RHBDD1: variants seen among roughly 807,000 people sequenced by gnomAD.
RHBDD1 encodes rhomboid-related protein 4.
A neutral mutation model predicts 36.3 loss-of-function variants in RHBDD1; 38 were observed. That is an observed-to-expected ratio of 1.05 (90% confidence interval 0.81 to 1.37). The LOEUF (loss-of-function observed/expected upper bound fraction) is 1.37, where lower values mean the gene tolerates loss of function less well. Among genes scored for constraint, RHBDD1 ranks in the 40% most tolerant of loss-of-function variants. RHBDD1 has a pLI of 0.00. For synonymous variants in RHBDD1, 151 were observed against 136.5 expected (o/e 1.11, Z -0.74); for missense variants, 393 against 377.6 (o/e 1.04, Z -0.34).
intron 8 of RHBDD1, among the ~76,000 whole-genome samples, chr2:226,925,762 A>C (rs1366583569): frequency 6.6e-6 from 1 of 152,240 alleles, no homozygotes; most frequent in Non-Finnish European, 1.5e-5. Context: ...CAAAACATTC[A>C]TTCAAAATAA....
intron 8 of RHBDD1, among the ~76,000 whole-genome samples, chr2:226,948,572 A>AT (rs1253093848): frequency 3.1e-5 from 4 of 127,534 alleles, no homozygotes; most frequent in Admixed American, 8.0e-5. Flanking sequence ...TATAAAAAAA[A>AT]AAAAAAAAAA....
At chr2:226,856,052 TCTAA>T (rs1235592222) in intron 3 of RHBDD1, among the ~76,000 whole-genome samples, 2 of 152,184 alleles carry the variant, frequency 1.3e-5, no homozygotes, top group African/African-American at 4.8e-5. Context: ...AATTATGCTG[TCTAA>T]CTAAGATTCC....
intron 5 of RHBDD1, among the ~76,000 whole-genome samples, chr2:226,890,381 A>G (rs1165190434): frequency 2.0e-5 from 3 of 152,194 alleles, no homozygotes; most frequent in Non-Finnish European, 4.4e-5. Context: ...CACATGAGGA[A>G]TGGAGCTATA....
chr2:226,810,540 C>CAAAAAAAAAAAAAAAAA, the RHBDD1 span, among the ~76,000 whole-genome samples: 12 of 33,876 alleles, frequency 3.5e-4, no homozygotes, highest in South Asian at 1.3e-3. Flanking sequence ...GACTCCGTCT[C>CAAAAAAAAAAAAAAAAA]AAAAAAAAAA....
At chr2:226,930,268 A>T (rs1364420459) in intron 8 of RHBDD1, among the ~76,000 whole-genome samples, 1 of 152,004 alleles carries the variant, frequency 6.6e-6, no homozygotes, top group Non-Finnish European at 1.5e-5. Context: ...CACTACAAGG[A>T]TGTAGTAACT....
At chr2:226,873,193 G>A (rs1214538243) in intron 5 of RHBDD1, among the ~76,000 whole-genome samples, 1 of 152,178 alleles carries the variant, frequency 6.6e-6, no homozygotes, top group Non-Finnish European at 1.5e-5. Flanking sequence ...ATTTCTGGAA[G>A]CCATTTTTGC....
chr2:226,888,814 C>T (rs1946450796), intron 5 of RHBDD1, among the ~76,000 whole-genome samples: 1 of 152,096 alleles, frequency 6.6e-6, no homozygotes, highest in Non-Finnish European at 1.5e-5. Flanking sequence ...AGGTATTTTA[C>T]ATGAATAACA....
chr2:226,829,955 T>G, the RHBDD1 span, among the ~76,000 whole-genome samples: 8 of 152,136 alleles, frequency 5.3e-5, no homozygotes. Context: ...TGGTTTATGT[T>G]AACTATGATA....
At chr2:226,932,754 T>C (rs1010334176) in intron 8 of RHBDD1, among the ~76,000 whole-genome samples, 21 of 152,068 alleles carry the variant, frequency 1.4e-4, no homozygotes, top group South Asian at 4.1e-4. Context: ...GGTTTGGCAG[T>C]ATGGCCTTCT....
chr2:226,811,904 T>G, the RHBDD1 span, among the ~76,000 whole-genome samples: 1 of 152,314 alleles, frequency 6.6e-6, no homozygotes, highest in Non-Finnish European at 1.5e-5. Context: ...AGAAGAGAAT[T>G]AAGTCATGCG....
intron 8 of RHBDD1, among the ~76,000 whole-genome samples, chr2:226,948,564 T>TAAAAAAAAAAAAAAAAAAAAACAAA (rs1559302719): frequency 1.3e-4 from 3 of 23,552 alleles, no homozygotes; most frequent in Non-Finnish European, 1.7e-4. Context: ...ACTTAAAGTA[T>TAAAAAAAAAAAAAAAAAAAAACAAA]AAAAAAAAAA....
chr2:226,908,522 A>C, intron 6 of RHBDD1: 1 of 320,522 alleles, frequency 3.1e-6, no homozygotes. Context: ...GAGGCTTGGT[A>C]CTTTGGCAGG....
At chr2:226,920,367 A>G (rs561792746) in intron 8 of RHBDD1, among the ~76,000 whole-genome samples, 18 of 152,170 alleles carry the variant, frequency 1.2e-4, no homozygotes, top group East Asian at 1.2e-3. Context: ...TCCAATTTGT[A>G]TGCCCTTTAT....
upstream of RHBDD1, among the ~76,000 whole-genome samples, chr2:226,833,661 C>A (rs1174628262): frequency 6.6e-6 from 1 of 152,180 alleles, no homozygotes; most frequent in African/African-American, 2.4e-5. Context: ...AAGATATATA[C>A]TTTCCAGCAT....
chr2:226,805,499 C>A, the RHBDD1 span, among the ~76,000 whole-genome samples: 2 of 152,214 alleles, frequency 1.3e-5, no homozygotes, highest in Non-Finnish European at 2.9e-5. Flanking sequence ...AGGCGTGTGC[C>A]ACCACACCCA....
chr2:226,965,885 T>C (rs1952587942), intron 8 of RHBDD1, among the ~76,000 whole-genome samples: 1 of 151,764 alleles, frequency 6.6e-6, no homozygotes, highest in South Asian at 2.1e-4. Flanking sequence ...GAACCGCAAT[T>C]GCTTGAAAAA....
the RHBDD1 span, among the ~76,000 whole-genome samples, chr2:226,830,190 T>C: frequency 6.6e-6 from 1 of 152,106 alleles, no homozygotes; most frequent in Non-Finnish European, 1.5e-5. Flanking sequence ...TGTGGAGCCT[T>C]TGGGAAGGAA....
intron 8 of RHBDD1, among the ~76,000 whole-genome samples, chr2:226,976,676 G>A (rs753805566): frequency 6.6e-6 from 1 of 152,156 alleles, no homozygotes; most frequent in Non-Finnish European, 1.5e-5. Context: ...CATTTTGAGA[G>A]GAGGAGAGAA....
chr2:226,989,649 A>G (rs1559359084), intron 8 of RHBDD1, among the ~76,000 whole-genome samples: 1 of 152,182 alleles, frequency 6.6e-6, no homozygotes, highest in Non-Finnish European at 1.5e-5. Context: ...GTCTGACCAT[A>G]TCTTGTCTAT....
Sources: gnomAD v4.1 joint callset for allele counts (sites outside exome capture counted in the v4.1 genomes callset) on GRCh38, gnomAD v4.1.1 for gene constraint, MANE v1.5 for transcripts, NCBI Gene and HGNC (gene_info 2026-07-23, HGNC 2026-07-21) for gene names.